Variants in MYO1B observed in about 807,000 individuals in gnomAD.
MYO1B encodes the protein myosin IB, also known as unconventional myosin-Ib.
MYO1B carries 72 observed loss-of-function variants against 159.7 expected under a neutral mutation model. That is an observed-to-expected ratio of 0.45 (90% confidence interval 0.37 to 0.55). The LOEUF (loss-of-function observed/expected upper bound fraction) is 0.55. Ranked by LOEUF, MYO1B falls within the 20% of genes least tolerant of loss-of-function variation. The pLI is 0.00. For synonymous variants in MYO1B, 468 were observed against 473.8 expected (o/e 0.99, Z 0.16); for missense variants, 1,062 against 1,364.8 (o/e 0.78, Z 3.50).
At chr2:191,308,027 C>T (rs1288380371) in intron 3 of MYO1B, among the ~76,000 whole-genome samples, 1 of 152,154 alleles carries the variant, frequency 6.6e-6, no homozygotes, top group Admixed American at 6.5e-5. Context: ...CAGCTCCCCT[C>T]CCCTCCCTGG....
intron 3 of MYO1B, among the ~76,000 whole-genome samples, chr2:191,329,061 AC>A (rs1213479899): frequency 6.6e-6 from 1 of 152,226 alleles, no homozygotes; most frequent in East Asian, 1.9e-4. Context: ...TAGACTCTCA[AC>A]AAATACTTGT....
intron 3 of MYO1B, among the ~76,000 whole-genome samples, chr2:191,323,165 C>T (rs1690840320): frequency 6.6e-6 from 1 of 152,092 alleles, no homozygotes; most frequent in South Asian, 2.1e-4. Flanking sequence ...GTGTAATGAG[C>T]AGTAAGGAGG....
At chr2:191,313,915 A>G (rs1252836288) in intron 3 of MYO1B, among the ~76,000 whole-genome samples, 1 of 152,228 alleles carries the variant, frequency 6.6e-6, no homozygotes, top group African/African-American at 2.4e-5. Flanking sequence ...CTAACTGCGA[A>G]GGAAGCTGGG....
At chr2:191,349,641 G>A (rs1467271798) in intron 6 of MYO1B, among the ~76,000 whole-genome samples, 1 of 152,150 alleles carries the variant, frequency 6.6e-6, no homozygotes, top group Non-Finnish European at 1.5e-5. Flanking sequence ...GCCAAAAACA[G>A]TAATAATGAC....
At position 191,363,763 on chromosome 2, in the gene MYO1B, A is replaced by G. The variant is rs1472253717; in HGVS notation, c.801A>G (p.Glu267=). ...AGATTGTGGGCTTTATGGATCATGA[A>G]GCTGAGTCTGTCTTGGCGGTGGTGG... ...AMQIVGFMDH[E]AESVLAVVAA... Residue 267 remains glutamate, a synonymous_variant, in exon 10 of 31, where the codon GAA becomes GAG. Transcript: ENST00000392318. 3.1e-6 allele frequency: 5 copies of G among 1,613,930 alleles called. No homozygotes were observed. Among genetic ancestry groups the G allele is most frequent in the Non-Finnish European group, 3.4e-6 (4 of 1,179,936 alleles).
intron 27 of MYO1B, 104 bp downstream of exon 27, chr2:191,411,276 G>A: frequency 1.6e-6 from 1 of 643,794 alleles, no homozygotes; most frequent in Non-Finnish European, 2.7e-6. Context: ...TTAGATGAGT[G>A]ATTTTTAGTT....
chr2:191,306,717 C>A (rs1689671348), intron 3 of MYO1B, among the ~76,000 whole-genome samples: 1 of 152,032 alleles, frequency 6.6e-6, no homozygotes, highest in African/African-American at 2.4e-5. Flanking sequence ...AAAGGGGGAT[C>A]AGAGCCCAGT....
chr2:191,399,093 G>A (rs531566292), intron 21 of MYO1B, among the ~76,000 whole-genome samples: 6 of 152,202 alleles, frequency 3.9e-5, no homozygotes, highest in East Asian at 3.9e-4. Context: ...GCAAAACCCC[G>A]TCTCCACCAA....
chr2:191,417,258 G>A (rs1697634555), intron 30 of MYO1B, among the ~76,000 whole-genome samples: 1 of 152,090 alleles, frequency 6.6e-6, no homozygotes, highest in South Asian at 2.1e-4. Context: ...TCATTGAAGT[G>A]TTTAGATTTG....
intron 3 of MYO1B, among the ~76,000 whole-genome samples, chr2:191,313,192 C>CTTTTTTTTTTTGTTTTT (rs1690118472): frequency 2.3e-5 from 1 of 42,992 alleles, no homozygotes; most frequent in Non-Finnish European, 3.7e-5. Flanking sequence ...GCACACATGG[C>CTTTTTTTTTTTGTTTTT]TTTTTTTTTT....
intron 21 of MYO1B, among the ~76,000 whole-genome samples, chr2:191,397,590 T>A (rs1025883587): frequency 2.0e-5 from 3 of 150,656 alleles, no homozygotes; most frequent in Admixed American, 2.0e-4. Flanking sequence ...CCATGTCTAC[T>A]TCTATCCACA....
chr2:191,409,239 A>G (rs1697115376), intron 26 of MYO1B, 61 bp downstream of exon 26: 5 of 1,532,460 alleles, frequency 3.3e-6, no homozygotes, highest in Non-Finnish European at 4.4e-6. Flanking sequence ...GTGTTTAAAA[A>G]CACATAAAAT....
At chr2:191,396,011 A>T (rs1696051446) in intron 20 of MYO1B, among the ~76,000 whole-genome samples, 1 of 152,222 alleles carries the variant, frequency 6.6e-6, no homozygotes, top group African/African-American at 2.4e-5. Context: ...CCTAAAAGAA[A>T]CTAGGGAGGT....
At chr2:191,387,176 T>G in intron 16 of MYO1B, 48 bp from the exon 17 acceptor site, 1 of 1,551,296 alleles carries the variant, frequency 6.4e-7, no homozygotes, top group Non-Finnish European at 8.8e-7. Context: ...TTGTTTGACA[T>G]TATAGCATGC....
intron 4 of MYO1B, among the ~76,000 whole-genome samples, chr2:191,334,288 C>T (rs1691684654): frequency 6.6e-6 from 1 of 152,120 alleles, no homozygotes; most frequent in Admixed American, 6.5e-5. Context: ...TATGTGACAT[C>T]CGCCTTCTCA....
chr2:191,320,449 C>T (rs1690632742), intron 3 of MYO1B, among the ~76,000 whole-genome samples: 1 of 151,904 alleles, frequency 6.6e-6, no homozygotes, highest in African/African-American at 2.4e-5. Flanking sequence ...ATTATTTTGC[C>T]AATTCACTTT....
At chr2:191,295,710 A>T (rs1688942349) in intron 2 of MYO1B, among the ~76,000 whole-genome samples, 2 of 152,148 alleles carry the variant, frequency 1.3e-5, no homozygotes, top group East Asian at 3.9e-4. Context: ...TTGACTAAAA[A>T]GGTGGAAAAA....
intron 1 of MYO1B, among the ~76,000 whole-genome samples, chr2:191,265,675 T>C (rs1196522061): frequency 6.6e-6 from 1 of 152,152 alleles, no homozygotes; most frequent in Non-Finnish European, 1.5e-5. Context: ...TCTAAACACA[T>C]TGACTTCTTG....
chr2:191,388,678 G>A (rs1695549878), intron 17 of MYO1B, among the ~76,000 whole-genome samples: 1 of 151,892 alleles, frequency 6.6e-6, no homozygotes, highest in African/African-American at 2.4e-5. Context: ...GTGATGAGTT[G>A]CTTTTGTTAT....
Sources: gnomAD v4.1 joint callset for allele counts (sites outside exome capture counted in the v4.1 genomes callset) on GRCh38, gnomAD v4.1.1 for gene constraint, MANE v1.5 for transcripts, NCBI Gene and HGNC (gene_info 2026-07-23, HGNC 2026-07-21) for gene names.